The following ITGA11 variants were observed in gnomAD, a reference collection of about 807,000 sequenced individuals.
ITGA11 encodes integrin subunit alpha 11, also known as integrin alpha-11.
ITGA11 carries 97 observed loss-of-function variants against 141.9 expected under a neutral mutation model. That is an observed-to-expected ratio of 0.68 (90% CI 0.58 to 0.81). The LOEUF (loss-of-function observed/expected upper bound fraction) is 0.81. Ranked by LOEUF, ITGA11 falls within the 30% of genes least tolerant of loss-of-function variation. ITGA11 has a pLI of 0.00. For missense variants in ITGA11, 1,387 were observed against 1,559.2 expected, an observed-to-expected ratio of 0.89 and a Z score of 1.86; for synonymous variants, 658 against 624.6, an observed-to-expected ratio of 1.05 and a Z score of -0.80.
In ITGA11 at chr15:68,312,827, G is replaced by A. The variant is rs757011991; in HGVS notation, c.2919C>T (p.Asn973=). ...TACCATCGTATCTCTCCAGCGAGCTGTTGGGCTTGACCTCGTAGTGGCTCA... is the reference window on the plus strand; with the variant it reads ...TACCATCGTATCTCTCCAGCGAGCTATTGGGCTTGACCTCGTAGTGGCTCA... ...SSLSHYEVKP[N]SSLERYDGIG... Residue 973 remains asparagine (N), a synonymous_variant, in exon 24 of 30, where the codon AAC becomes AAT. Coordinates refer to ENST00000315757, the MANE Select transcript of ITGA11 (RefSeq NM_001004439.2). The A allele has an allele frequency of 2.9e-5, 46 of 1,613,720 alleles. No individual in the cohort carries two copies. In the Admixed American group the frequency reaches 5.8e-4, roughly 20 times the overall value.
intron 11 of ITGA11, among the ~76,000 whole-genome samples, chr15:68,339,250 T>TG (rs1421384454): frequency 2.0e-5 from 3 of 152,094 alleles, no homozygotes; most frequent in African/African-American, 7.2e-5. Context: ...TTGAAGGGAG[T>TG]GGGGAACTGC....
At chr15:68,336,267 G>T (rs1348226695) in intron 11 of ITGA11, among the ~76,000 whole-genome samples, 1 of 152,080 alleles carries the variant, frequency 6.6e-6, no homozygotes, top group African/African-American at 2.4e-5. Flanking sequence ...CACTCTTGGA[G>T]ACTAACCAGG....
rs971785283 is a variant in ITGA11 at position 68,333,503 on chromosome 15, G to A, written c.1426-1025C>T. On this transcript the variant is annotated intron_variant, in intron 12 of 29. Transcript: ENST00000315757. This position sits in a 1 kb window ranked among gnomAD's most constrained non-coding sequence, Gnocchi z 4.2. Reference sequence around the variant, plus strand: ...GTGTTCCCCTTCTGTTTGGGGTACAGTGCTCCCCACTTCAGTGAGGGCAAC... The same window carrying A: ...GTGTTCCCCTTCTGTTTGGGGTACAATGCTCCCCACTTCAGTGAGGGCAAC... Among the ~76,000 whole-genome samples, 1 of 152,148 alleles carries A rather than the reference G, an allele frequency of 6.6e-6. No individual in the cohort carries two copies. Among genetic ancestry groups the A allele is most frequent in the Non-Finnish European group, 1.5e-5 (1 of 68,004 alleles).
chr15:68,400,946 T>TAATATTATATATTATATAATA (rs1896493158), intron 2 of ITGA11, among the ~76,000 whole-genome samples: 2 of 87,728 alleles, frequency 2.3e-5, no homozygotes, highest in African/African-American at 8.8e-5. Flanking sequence ...ATATAATAAA[T>TAATATTATATATTATATAATA]ATTATAATAT....
intron 9 of ITGA11, 58 bp downstream of exon 9, chr15:68,350,559 G>T: frequency 6.6e-7 from 1 of 1,520,406 alleles, no homozygotes; most frequent in Non-Finnish European, 9.0e-7. Context: ...TGCTCTACGG[G>T]GTTTACCTGA....
chr15:68,418,059 A>G (rs1896927868), intron 1 of ITGA11, among the ~76,000 whole-genome samples: 1 of 152,182 alleles, frequency 6.6e-6, no homozygotes, highest in Non-Finnish European at 1.5e-5. Context: ...CCATTCAGTG[A>G]TGTCATGTTG....
chr15:68,391,395 A>G (rs535264299), intron 2 of ITGA11, among the ~76,000 whole-genome samples: 2 of 152,322 alleles, frequency 1.3e-5, no homozygotes, highest in Admixed American at 1.3e-4. Context: ...CTGCTCTTCT[A>G]TGCCCAACCT....
At position 68,312,736 on chromosome 15, in the gene ITGA11, G is replaced by A. The variant is rs58270888; in HGVS notation, c.2973+37C>T. On this transcript the variant is annotated intron_variant, in intron 24 of 29. Transcript: ENST00000315757. ...TCCAGGATGGGGGTGCTCAGATCCC[G>A]TCCTTCCCCCTCTACCCGGCTCCCC... The A allele has an allele frequency of 3.7e-3, 5,569 of 1,496,734 alleles. 179 individuals carry two copies. In the African/African-American group the frequency reaches 0.067, roughly 18 times the overall value. The allele number at this position is 1,496,734 out of a possible 1,614,324, so 92.7% of individuals were successfully genotyped here.
intron 1 of ITGA11, among the ~76,000 whole-genome samples, chr15:68,417,280 T>C (rs759903409): frequency 3.3e-5 from 5 of 152,224 alleles, no homozygotes; most frequent in Non-Finnish European, 7.3e-5. Flanking sequence ...TTGCAGGAAA[T>C]GGCATTACCA....
At chr15:68,398,722 TTATGA>T (rs1896387853) in intron 2 of ITGA11, among the ~76,000 whole-genome samples, 1 of 147,420 alleles carries the variant, frequency 6.8e-6, no homozygotes, top group African/African-American at 2.5e-5. Flanking sequence ...TATATATTTA[TTATGA>T]TATAATTTAT....
rs200890680 is a variant in ITGA11, at chr15:68,350,706, G to A, written c.971C>T (p.Pro324Leu). ...GACATTGAAGAAGTGCTTGTCATCA[G>A]GGTCACTGGCGATGTATTTGATTTC... ...LNEIKYIASD[P>L]DDKHFFNVTD... Residue 324 changes from proline (P) to leucine (L), a missense_variant, in exon 9 of 30, where the codon CCT (proline) becomes CTT (leucine). Pro to Leu is a moderately conservative substitution (Grantham distance 98, BLOSUM62 -3). Transcript: ENST00000315757. 2 of 1,613,946 alleles carry A rather than the reference G, an allele frequency of 1.2e-6. No homozygotes were observed. The highest frequency in any genetic ancestry group is 1.7e-6 in the Non-Finnish European group (2 of 1,179,848).
chr15:68,349,813 T>C (rs1269233572), intron 9 of ITGA11, among the ~76,000 whole-genome samples: 2 of 152,112 alleles, frequency 1.3e-5, no homozygotes, highest in Non-Finnish European at 2.9e-5. Flanking sequence ...AAAAATGCTT[T>C]TGGTGGAGTG....
rs540465197 is a variant in ITGA11, at chr15:68,333,875, A to T, written c.1426-1397T>A. On this transcript the variant is annotated intron_variant, in intron 12 of 29. Coordinates refer to ENST00000315757, the MANE Select transcript of ITGA11 (RefSeq NM_001004439.2). The surrounding 1 kb of genome is among the most constrained non-coding windows in gnomAD (Gnocchi z 4.2). The stretch of plus-strand genomic sequence containing the variant: ...CTCCCGGGTCCTGCCAAACTGAGTT[A>T]TTTCTCTTCTCCAAAGGCCCCAGGC... Among the ~76,000 whole-genome samples, 1 of 152,238 alleles carries T rather than the reference A, an allele frequency of 6.6e-6. No individual in the cohort carries two copies. The highest frequency in any genetic ancestry group is 2.1e-4 in the South Asian group (1 of 4,822).
intron 15 of ITGA11, among the ~76,000 whole-genome samples, chr15:68,330,504 C>G (rs1226315624): frequency 7.0e-6 from 1 of 142,526 alleles, no homozygotes; most frequent in Admixed American, 7.2e-5. Context: ...TTTTTTGGCT[C>G]AAAAAGCAGC....
intron 7 of ITGA11, among the ~76,000 whole-genome samples, chr15:68,352,352 T>A (rs1047936582): frequency 2.6e-5 from 4 of 151,768 alleles, no homozygotes; most frequent in African/African-American, 7.3e-5. Context: ...GCCACCACGC[T>A]TGGTTAATTT....
In ITGA11 at chr15:68,299,526, C is replaced by G. The variant is rs1331675415; in HGVS notation, c.*3533G>C. ...TGTGGTGTTGAATAAAAACAGGGGA[C>G]CATTCATACTAATGGCTGTATTTAA... is the stretch of plus-strand genomic sequence containing the variant. On this transcript the variant is annotated 3_prime_UTR_variant, in exon 30 of 30. Transcript: ENST00000315757. 4 of 151,624 alleles carry G rather than the reference C, an allele frequency of 2.6e-5. No homozygotes were observed. The highest frequency in any genetic ancestry group is 9.7e-5 in the African/African-American group (4 of 41,208). The allele number at this position is 151,624 out of a possible 1,614,324, so 9.4% of individuals were successfully genotyped here.
chr15:68,390,529 C>G (rs760041402), intron 2 of ITGA11, among the ~76,000 whole-genome samples: 1 of 152,106 alleles, frequency 6.6e-6, no homozygotes, highest in Non-Finnish European at 1.5e-5. Flanking sequence ...CTGGGAAACT[C>G]TTTCAAACAT....
chr15:68,382,848 GA>G (rs374315413), intron 2 of ITGA11, among the ~76,000 whole-genome samples: 18 of 152,340 alleles, frequency 1.2e-4, no homozygotes, highest in African/African-American at 4.1e-4. Flanking sequence ...TTCAACAGAA[GA>G]TGACAGAAAC....
chr15:68,390,068 C>A (rs1387193451), intron 2 of ITGA11, among the ~76,000 whole-genome samples: 1 of 152,158 alleles, frequency 6.6e-6, no homozygotes, highest in Non-Finnish European at 1.5e-5. Context: ...ACACTCAGCC[C>A]AAGAGGAATT....
Sources: gnomAD v4.1 joint callset for allele counts (sites outside exome capture counted in the v4.1 genomes callset) on GRCh38, gnomAD v4.1.1 for gene constraint, Gnocchi (gnomAD v3.1) non-coding constraint, MANE v1.5 for transcripts, NCBI Gene and HGNC (gene_info 2026-07-23, HGNC 2026-07-21) for gene names.